BEST3: variants seen among roughly 807,000 people sequenced by gnomAD.
BEST3 encodes bestrophin-3.
Under a neutral mutation model 47.1 loss-of-function variants are expected in BEST3, and 50 were observed. The observed-to-expected ratio is 1.06, with a 90% confidence interval of 0.85 to 1.34. The LOEUF (loss-of-function observed/expected upper bound fraction) is 1.34. BEST3 is among the 40% of genes most tolerant of loss of function. The pLI, the probability that BEST3 is intolerant of heterozygous loss-of-function variation, is 0.00. For missense variants in BEST3, 765 were observed against 817.0 expected, an observed-to-expected ratio of 0.94 and a Z score of 0.78; for synonymous variants, 282 against 298.8, an observed-to-expected ratio of 0.94 and a Z score of 0.58.
At chr12:69,698,598 T>C (rs113839584) in intron 1 of BEST3, among the ~76,000 whole-genome samples, 14 of 152,346 alleles carry the variant, frequency 9.2e-5, no homozygotes, top group Admixed American at 2.0e-4. Flanking sequence ...CTCAAAAGGA[T>C]CTATGAGGAG....
intron 9 of BEST3, among the ~76,000 whole-genome samples, chr12:69,666,781 C>T (rs921609075): frequency 3.9e-5 from 6 of 152,176 alleles, no homozygotes; most frequent in African/African-American, 1.4e-4. Context: ...TCAACACATG[C>T]AAAAGGGAGA....
chr12:69,662,236 C>T (rs1342248290), intron 9 of BEST3, among the ~76,000 whole-genome samples: 2 of 152,088 alleles, frequency 1.3e-5, no homozygotes, highest in Non-Finnish European at 2.9e-5. Flanking sequence ...AATCAATGTT[C>T]CCAGAATACA....
chr12:69,646,157 C>T (rs1432483682), intron 9 of BEST3, among the ~76,000 whole-genome samples: 1 of 152,122 alleles, frequency 6.6e-6, no homozygotes, highest in Non-Finnish European at 1.5e-5. Context: ...AGGATGGTCT[C>T]AAACTCCTGA....
At chr12:69,697,546 C>G in intron 2 of BEST3, 101 bp downstream of exon 2, 1 of 956,226 alleles carries the variant, frequency 1.0e-6, no homozygotes, top group South Asian at 2.0e-5. Flanking sequence ...AAAAGGAGTT[C>G]CATAATGCGA....
chr12:69,678,136 G>C (rs1189323680), intron 5 of BEST3, among the ~76,000 whole-genome samples: 1 of 152,134 alleles, frequency 6.6e-6, no homozygotes, highest in Non-Finnish European at 1.5e-5. Flanking sequence ...AGGGAAAAGA[G>C]TTCACATCAA....
chr12:69,672,085 A>G (rs192729188), intron 8 of BEST3, among the ~76,000 whole-genome samples: 233 of 152,306 alleles, frequency 1.5e-3, no homozygotes, highest in African/African-American at 5.1e-3. Flanking sequence ...GCTCAGTGCT[A>G]TGGTGCTCTC....
chr12:69,681,464 A>T (rs890374441), intron 4 of BEST3, among the ~76,000 whole-genome samples: 1 of 152,178 alleles, frequency 6.6e-6, no homozygotes, highest in African/African-American at 2.4e-5. Flanking sequence ...AAATAAATTA[A>T]AAAAATCCTC....
intron 7 of BEST3, among the ~76,000 whole-genome samples, chr12:69,674,053 A>G (rs1385055069): frequency 6.6e-6 from 1 of 152,104 alleles, no homozygotes; most frequent in Non-Finnish European, 1.5e-5. Context: ...TTATCTGGAC[A>G]TGCGTGCATG....
chr12:69,682,168 G>C (rs1194895574), intron 4 of BEST3, among the ~76,000 whole-genome samples: 1 of 151,960 alleles, frequency 6.6e-6, no homozygotes, highest in Non-Finnish European at 1.5e-5. Context: ...GATGAGGCCA[G>C]GCATCAGCAT....
intron 2 of BEST3, 40 bp downstream of exon 2, chr12:69,697,607 T>C (rs745338076): frequency 1.4e-6 from 2 of 1,476,510 alleles, no homozygotes; most frequent in South Asian, 2.7e-5. Flanking sequence ...TCTTACACAA[T>C]ATCTGATGGC....
chr12:69,689,206 C>T (rs1175689494), intron 4 of BEST3: 8 of 985,334 alleles, frequency 8.1e-6, no homozygotes, highest in South Asian at 4.7e-5. Context: ...CAGAGAGTGG[C>T]GGAGGCATAT....
chr12:69,681,516 T>C (rs1438286445), intron 4 of BEST3, among the ~76,000 whole-genome samples: 1 of 152,120 alleles, frequency 6.6e-6, no homozygotes, highest in East Asian at 1.9e-4. Context: ...AGAGGTAGTG[T>C]TTCAGTAAAA....
At position 69,693,875 on chromosome 12, in the gene BEST3, A is replaced by G; in HGVS notation, c.280T>C (p.Trp94Arg). 1 of 1,610,872 alleles carries G rather than the reference A, an allele frequency of 6.2e-7. No homozygotes were observed. Among genetic ancestry groups the G allele is most frequent in the South Asian group, 1.1e-5 (1 of 90,502 alleles). Reference protein sequence around the residue: ...FYVTLVVNRWWNQFVNLPWPD... With the variant: ...FYVTLVVNRWRNQFVNLPWPD... ...CAGGGCAAATTCACAAACTGGTTCCACCATCGGTTCACTACCAGAGTAACA... is the reference window on the plus strand; with the variant it reads ...CAGGGCAAATTCACAAACTGGTTCCGCCATCGGTTCACTACCAGAGTAACA... Residue 94 changes from tryptophan (W) to arginine (R), a missense_variant, in exon 4 of 10, where the codon TGG (tryptophan) becomes CGG (arginine). Physicochemically the swap from Trp to Arg is moderately radical, Grantham distance 101. Transcript: ENST00000330891.
rs1886059798 is a variant in BEST3 at position 69,694,444 on chromosome 12, T to C, written c.173A>G (p.Gln58Arg). The change falls in exon 3 of 10, where the codon CAA becomes CGA. Residue 58 changes from glutamine (Q) to arginine (R), a missense_variant. Physicochemically the swap from Gln to Arg is conservative, Grantham distance 43 (BLOSUM62 1). Coordinates refer to ENST00000330891, the MANE Select transcript of BEST3 (RefSeq NM_032735.3). ...LVYRLLLTGVQKRYFEKLSIY... is the reference protein window; with the variant it reads ...LVYRLLLTGVRKRYFEKLSIY... ...TGATAATTTTTCAAAGTAACGTTTT[T>C]GGACTCCTGTAAGTAACAATCTGGA... The C allele has an allele frequency of 1.3e-6, 2 of 1,593,356 alleles. No homozygotes were observed. The highest frequency in any genetic ancestry group is 1.7e-6 in the Non-Finnish European group (2 of 1,163,760).
intron 1 of BEST3, among the ~76,000 whole-genome samples, chr12:69,698,149 G>A (rs1443237341): frequency 6.6e-6 from 1 of 152,134 alleles, no homozygotes; most frequent in Non-Finnish European, 1.5e-5. Flanking sequence ...TAATTGATGG[G>A]GCACTTTTGG....
intron 4 of BEST3, among the ~76,000 whole-genome samples, chr12:69,693,366 T>C (rs1342001864): frequency 6.6e-6 from 1 of 151,098 alleles, no homozygotes; most frequent in Non-Finnish European, 1.5e-5. Flanking sequence ...CGGGTTCAAG[T>C]GATTCTCATG....
intron 9 of BEST3, among the ~76,000 whole-genome samples, chr12:69,662,241 A>C (rs1214736184): frequency 6.6e-6 from 1 of 152,212 alleles, no homozygotes; most frequent in Non-Finnish European, 1.5e-5. Flanking sequence ...ATGTTCCCAG[A>C]ATACACTTTT....
In BEST3 at chr12:69,654,038, C is replaced by T. The variant is rs189779805; in HGVS notation, c.*869G>A. ...AGAAATGTCAATGGCTGCAAGGGCACGGGGGGAACCATCACTCCTATATGC... is the reference window on the plus strand; with the variant it reads ...AGAAATGTCAATGGCTGCAAGGGCATGGGGGGAACCATCACTCCTATATGC... On this transcript the variant is annotated 3_prime_UTR_variant, in exon 10 of 10. Coordinates refer to ENST00000330891, the MANE Select transcript of BEST3 (RefSeq NM_032735.3). The T allele has an allele frequency of 6.8e-4, 667 of 985,370 alleles. 4 individuals are homozygous for T. In the African/African-American group the frequency reaches 0.011, roughly 16 times the overall value. 61.0% of individuals were successfully genotyped at this position (985,370 alleles called of 1,614,324 possible). A position where few individuals can be genotyped will look rare whatever the true frequency, so the allele number is the denominator to read the frequency against.
rs547832258 is a variant in BEST3, at chr12:69,697,261, C to T, written c.152+386G>A. Among the ~76,000 whole-genome samples, 8 of 152,270 alleles carry T rather than the reference C, an allele frequency of 5.3e-5. No individual in the cohort carries two copies. In the South Asian group the frequency reaches 1.7e-3, roughly 32 times the overall value. The stretch of plus-strand genomic sequence containing the variant: ...ATGTTGATTATATAGGTAGTTGCTA[C>T]AAGCTGTCAAATCATCAACTATGAA... On this transcript the variant is annotated intron_variant, in intron 2 of 9. Transcript: ENST00000330891.
Sources: allele counts gnomAD v4.1 joint callset (sites outside exome capture counted in the v4.1 genomes callset), GRCh38; gene constraint gnomAD v4.1.1; transcripts MANE v1.5; gene names NCBI Gene and HGNC (gene_info 2026-07-23, HGNC 2026-07-21).